Variants in RPS6KC1 observed in about 807,000 individuals in gnomAD.
The protein encoded by RPS6KC1 is inactive ribosomal protein S6 kinase delta-1.
RPS6KC1 carries 54 observed loss-of-function variants against 103.8 expected under a neutral mutation model. That is an observed-to-expected ratio of 0.52 (90% CI 0.42 to 0.65). The LOEUF (loss-of-function observed/expected upper bound fraction) is 0.65. Among genes scored for constraint, RPS6KC1 ranks in the 30% least tolerant of loss-of-function variants. RPS6KC1 has a pLI of 0.00. For synonymous variants in RPS6KC1, 439 were observed against 438.7 expected (o/e 1.00, Z -0.01); for missense variants, 1,151 against 1,253.8 (o/e 0.92, Z 1.24).
intron 3 of RPS6KC1, among the ~76,000 whole-genome samples, chr1:213,092,731 TAAACA>T (rs930481620): frequency 1.2e-4 from 18 of 152,098 alleles, no homozygotes; most frequent in South Asian, 2.1e-4. Flanking sequence ...GTTTTTAAGC[TAAACA>T]AAACAAACGC....
the RPS6KC1 span, among the ~76,000 whole-genome samples, chr1:213,522,217 A>T: frequency 6.6e-6 from 1 of 152,354 alleles, no homozygotes; most frequent in South Asian, 2.1e-4. Context: ...GAGTAACCAG[A>T]TGTATTGCCA....
At chr1:213,216,204 C>T (rs982514047) in intron 8 of RPS6KC1, among the ~76,000 whole-genome samples, 2 of 151,690 alleles carry the variant, frequency 1.3e-5, no homozygotes. Context: ...AAATGGAAAA[C>T]AAAAAAAGGC....
chr1:213,343,440 T>TACACAC, the RPS6KC1 span, among the ~76,000 whole-genome samples: 39 of 80,380 alleles, frequency 4.9e-4, 4 homozygotes, highest in Non-Finnish European at 7.6e-4. Context: ...TATATATATA[T>TACACAC]ACATACCATG....
intron 4 of RPS6KC1, among the ~76,000 whole-genome samples, chr1:213,115,296 C>T (rs1279229243): frequency 8.6e-5 from 13 of 151,706 alleles, no homozygotes; most frequent in East Asian, 1.9e-4. Flanking sequence ...GTGTATGTGT[C>T]GAGGAATTTA....
the RPS6KC1 span, among the ~76,000 whole-genome samples, chr1:213,652,464 G>A: frequency 3.3e-5 from 5 of 152,226 alleles, no homozygotes; most frequent in African/African-American, 9.6e-5. Flanking sequence ...ATATCGGGCA[G>A]ACTGCAAAAC....
chr1:213,506,892 A>T, the RPS6KC1 span, among the ~76,000 whole-genome samples: 3 of 152,222 alleles, frequency 2.0e-5, no homozygotes, highest in African/African-American at 7.2e-5. Context: ...CCTGAGTGCT[A>T]TTACTTTTAG....
the RPS6KC1 span, chr1:213,817,769 T>C: frequency 6.6e-6 from 1 of 152,070 alleles, no homozygotes; most frequent in Non-Finnish European, 1.5e-5. Flanking sequence ...ATTACACTTT[T>C]CTTTATTGCG....
the RPS6KC1 span, among the ~76,000 whole-genome samples, chr1:213,812,135 C>G: frequency 6.6e-6 from 1 of 151,108 alleles, no homozygotes; most frequent in Non-Finnish European, 1.5e-5. Flanking sequence ...CTTCTTTACT[C>G]TCAAGAAATT....
the RPS6KC1 span, among the ~76,000 whole-genome samples, chr1:213,552,643 T>G: frequency 6.6e-6 from 1 of 152,200 alleles, no homozygotes; most frequent in Admixed American, 6.5e-5. Context: ...CGTGGCTTGT[T>G]TTTAATATAT....
the RPS6KC1 span, among the ~76,000 whole-genome samples, chr1:213,652,459 G>A: frequency 2.3e-4 from 35 of 152,266 alleles, no homozygotes; most frequent in Admixed American, 2.0e-3. Flanking sequence ...CTGTGATATC[G>A]GGCAGACTGC....
intron 6 of RPS6KC1, among the ~76,000 whole-genome samples, chr1:213,161,499 T>C (rs1227836920): frequency 6.6e-6 from 1 of 152,098 alleles, no homozygotes; most frequent in African/African-American, 2.4e-5. Flanking sequence ...TTTTGTATTT[T>C]TAATAGAGAT....
At chr1:213,082,558 T>C (rs140937174) in intron 3 of RPS6KC1, among the ~76,000 whole-genome samples, 6 of 152,330 alleles carry the variant, frequency 3.9e-5, no homozygotes, top group East Asian at 1.9e-4. Context: ...ATCCCTCTTA[T>C]GTAGTTGCAG....
At chr1:213,328,993 C>T in the RPS6KC1 span, among the ~76,000 whole-genome samples, 1 of 152,052 alleles carries the variant, frequency 6.6e-6, no homozygotes, top group Non-Finnish European at 1.5e-5. Flanking sequence ...GTCTCCTAGC[C>T]CTGAGCCCCC....
At chr1:213,767,934 A>G in the RPS6KC1 span, among the ~76,000 whole-genome samples, 4 of 152,204 alleles carry the variant, frequency 2.6e-5, no homozygotes, top group Non-Finnish European at 5.9e-5. Context: ...AAGCATTCAC[A>G]GGTCACTTGC....
chr1:213,193,145 C>T (rs544189251), intron 8 of RPS6KC1, among the ~76,000 whole-genome samples: 177 of 151,980 alleles, frequency 1.2e-3, no homozygotes, highest in Non-Finnish European at 2.2e-3. Flanking sequence ...AAATGATCCA[C>T]GTGCTGAGGC....
At chr1:213,540,086 T>TA in the RPS6KC1 span, among the ~76,000 whole-genome samples, 4 of 152,056 alleles carry the variant, frequency 2.6e-5, no homozygotes, top group Non-Finnish European at 5.9e-5. Flanking sequence ...GGGTGGTGGT[T>TA]CTGAAGGTTG....
chr1:213,092,804 C>A (rs1023641021), intron 3 of RPS6KC1, among the ~76,000 whole-genome samples: 7 of 152,020 alleles, frequency 4.6e-5, no homozygotes, highest in African/African-American at 1.7e-4. Context: ...ATGAATCATA[C>A]CTATACACAT....
At chr1:213,467,595 T>C in the RPS6KC1 span, among the ~76,000 whole-genome samples, 9 of 152,226 alleles carry the variant, frequency 5.9e-5, no homozygotes, top group Non-Finnish European at 1.0e-4. Flanking sequence ...TTTTGGTTCT[T>C]GGTTTTTGTT....
the RPS6KC1 span, among the ~76,000 whole-genome samples, chr1:213,562,781 C>A: frequency 6.6e-6 from 1 of 152,120 alleles, no homozygotes; most frequent in Non-Finnish European, 1.5e-5. Flanking sequence ...CTCCCACTTC[C>A]GCTTTCCAAG....
Sources: gnomAD v4.1 joint callset for allele counts (sites outside exome capture counted in the v4.1 genomes callset) on GRCh38, gnomAD v4.1.1 for gene constraint, MANE v1.5 for transcripts, NCBI Gene and HGNC (gene_info 2026-07-23, HGNC 2026-07-21) for gene names.